The following RFLNA variants were observed in gnomAD, a reference collection of about 807,000 sequenced individuals.
RFLNA encodes refilin-A.
RFLNA carries 5 observed loss-of-function variants against 7.8 expected under a neutral mutation model. The observed-to-expected ratio is 0.64, with a 90% CI of 0.34 to 1.35. The LOEUF is 1.35. Ranked by LOEUF, RFLNA falls within the 40% of genes most tolerant of loss-of-function variation. RFLNA has a pLI of 0.04. For missense variants in RFLNA, 278 were observed against 305.5 expected, an observed-to-expected ratio of 0.91 and a Z score of 0.67; for synonymous variants, 141 against 131.3, an observed-to-expected ratio of 1.07 and a Z score of -0.50.
chr12:124,315,510 T>A lies in RFLNA; in HGVS notation c.*985T>A, dbSNP rs2034335800. The A allele has an allele frequency of 6.6e-6, 1 of 152,168 alleles. No individual in the cohort carries two copies. The allele number at this position is 152,168 out of a possible 1,614,324, so 9.4% of individuals were successfully genotyped here. ...CCTCAGCCTGCATTCCTGTGCGCAA[T>A]CGATTCCGCAATGACAGCACCTTAC... On this transcript the variant is annotated 3_prime_UTR_variant, in exon 3 of 3. Transcript: ENST00000546355.
At chr12:124,313,689 A>AG (rs1465098874) in intron 2 of RFLNA, among the ~76,000 whole-genome samples, 1 of 152,172 alleles carries the variant, frequency 6.6e-6, no homozygotes, top group Non-Finnish European at 1.5e-5. Context: ...AAAAAAAAAA[A>AG]AAAAGGTTGC....
intron 1 of RFLNA, among the ~76,000 whole-genome samples, chr12:124,297,095 G>A (rs2033942187): frequency 6.6e-6 from 1 of 152,090 alleles, no homozygotes; most frequent in Non-Finnish European, 1.5e-5. Context: ...GCACACTTTG[G>A]GACTGAATCC....
At chr12:124,301,181 G>T (rs1395439753) in intron 1 of RFLNA, among the ~76,000 whole-genome samples, 1 of 152,198 alleles carries the variant, frequency 6.6e-6, no homozygotes, top group African/African-American at 2.4e-5. Context: ...AGGAGGGAGA[G>T]GAGGGAAAGC....
chr12:124,300,864 A>T (rs1268556632), intron 1 of RFLNA, among the ~76,000 whole-genome samples: 3 of 150,308 alleles, frequency 2.0e-5, no homozygotes, highest in Non-Finnish European at 4.4e-5. Flanking sequence ...GGGTGGATGG[A>T]TGGATGGATG....
upstream of RFLNA, among the ~76,000 whole-genome samples, chr12:124,292,040 C>T (rs1340547339): frequency 6.6e-6 from 1 of 152,252 alleles, no homozygotes; most frequent in African/African-American, 2.4e-5. Context: ...TACCTCTTTT[C>T]TATTAAATAT....
intron 1 of RFLNA, among the ~76,000 whole-genome samples, chr12:124,309,321 T>G (rs912964748): frequency 6.6e-6 from 1 of 152,216 alleles, no homozygotes; most frequent in Non-Finnish European, 1.5e-5. Context: ...TCCTGACAGT[T>G]GGAATCTTAG....
At position 124,315,097 on chromosome 12, in the gene RFLNA, G is replaced by A. The variant is rs1031599573; in HGVS notation, c.*572G>A. The A allele has an allele frequency of 1.6e-5, 3 of 187,356 alleles. No homozygotes were observed. Among genetic ancestry groups the A allele is most frequent in the Non-Finnish European group, 2.2e-5 (2 of 89,306 alleles). 11.6% of individuals were successfully genotyped at this position (187,356 alleles called of 1,614,324 possible). A position where few individuals can be genotyped will look rare whatever the true frequency, so the allele number is the denominator to read the frequency against. ...GAGCTGTGGCTGAGCCACCTCTGGC[G>A]GATGTTGAGCCAGGAGGTTGGGCAA... is the stretch of plus-strand genomic sequence containing the variant. On this transcript the variant is annotated 3_prime_UTR_variant, in exon 3 of 3. Transcript: ENST00000546355.
chr12:124,305,533 G>A (rs948618640), intron 1 of RFLNA, among the ~76,000 whole-genome samples: 3 of 152,208 alleles, frequency 2.0e-5, no homozygotes, highest in Admixed American at 6.5e-5. Context: ...AATGATAAGC[G>A]TCAGCAGGAC....
intron 1 of RFLNA, among the ~76,000 whole-genome samples, chr12:124,301,189 A>G (rs1008397786): frequency 2.0e-5 from 3 of 152,084 alleles, no homozygotes; most frequent in Admixed American, 6.5e-5. Flanking sequence ...GAGGAGGGAA[A>G]GCCAGAAGCC....
upstream of RFLNA, among the ~76,000 whole-genome samples, chr12:124,291,861 C>T (rs1275144858): frequency 6.6e-6 from 1 of 152,130 alleles, no homozygotes; most frequent in Non-Finnish European, 1.5e-5. Context: ...CCCCAGGTCA[C>T]TTTTCTTTCT....
rs77777054 is a variant in RFLNA, at chr12:124,305,607, C to T, written c.208-6211C>T. On this transcript the variant is annotated intron_variant, in intron 1 of 2. Coordinates refer to ENST00000546355, the MANE Select transcript of RFLNA (RefSeq NM_001365156.1). ...GCCTGTTCTGGCTCCTAGAGGGGCC[C>T]GTGCTCCTTGGCTTGTGGCCCCTTC... 1.1e-3 allele frequency among the ~76,000 whole-genome samples: 163 copies of T among 152,300 alleles called. 1 individual carries two copies. The East Asian group carries it at 0.028, about 26-fold the overall frequency.
At chr12:124,303,170 G>C (rs1429382261) in intron 1 of RFLNA, among the ~76,000 whole-genome samples, 1 of 152,216 alleles carries the variant, frequency 6.6e-6, no homozygotes, top group Non-Finnish European at 1.5e-5. Context: ...GGTCTGGCAG[G>C]CTGTCACTGT....
At chr12:124,299,719 G>GTA (rs1365276699) in intron 1 of RFLNA, among the ~76,000 whole-genome samples, 3 of 152,276 alleles carry the variant, frequency 2.0e-5, no homozygotes, top group Admixed American at 6.5e-5. Flanking sequence ...ATTCCATGGC[G>GTA]TATATATATA....
chr12:124,311,573 G>A (rs2034244221), intron 1 of RFLNA: 2 of 396,940 alleles, frequency 5.0e-6, no homozygotes, highest in East Asian at 9.6e-5. Context: ...GTTGAGAACT[G>A]GGAGCTGGAG....
chr12:124,307,767 A>C (rs1435247598), intron 1 of RFLNA, among the ~76,000 whole-genome samples: 1 of 152,118 alleles, frequency 6.6e-6, no homozygotes, highest in Non-Finnish European at 1.5e-5. Flanking sequence ...AAACTGCCAC[A>C]AACTGGGTGG....
At position 124,314,540 on chromosome 12, in the gene RFLNA, GC is replaced by G. The variant is rs774946864; in HGVS notation, c.*18del. ...CCACGCTCTGACGGGGCTGGGGCCG[GC>G]CCGGGGTGCTGGAGGAGCCGGGAGC... On this transcript the variant is annotated 3_prime_UTR_variant, in exon 3 of 3. Transcript: ENST00000546355. The G allele has an allele frequency of 1.2e-5, 18 of 1,555,988 alleles. No homozygotes were observed. The highest frequency in any genetic ancestry group is 1.6e-5 in the Non-Finnish European group (18 of 1,157,258).
intron 1 of RFLNA, among the ~76,000 whole-genome samples, chr12:124,309,620 C>T (rs1425198650): frequency 6.6e-6 from 1 of 152,224 alleles, no homozygotes; most frequent in African/African-American, 2.4e-5. Flanking sequence ...TTATTTAAAG[C>T]CCCGCCCTTC....
rs2034146958 is a variant in RFLNA, at chr12:124,306,928, T to C, written c.208-4890T>C. 6.6e-6 allele frequency among the ~76,000 whole-genome samples: 1 copy of C among 152,120 alleles called. No individual in the cohort carries two copies. Among genetic ancestry groups the C allele is most frequent in the South Asian group, 2.1e-4 (1 of 4,816 alleles). On this transcript the variant is annotated intron_variant, in intron 1 of 2. Coordinates refer to ENST00000546355, the MANE Select transcript of RFLNA (RefSeq NM_001365156.1). The surrounding 1 kb of genome is among the most constrained non-coding windows in gnomAD (Gnocchi z 5.2). ...CCTCTGCCCGAGGCCGGTGTGCATGTGGTCACCATGGTTATAGGCTTGGCC... is the reference window on the plus strand; with the variant it reads ...CCTCTGCCCGAGGCCGGTGTGCATGCGGTCACCATGGTTATAGGCTTGGCC...
upstream of RFLNA, among the ~76,000 whole-genome samples, chr12:124,292,419 C>A (rs976043810): frequency 1.3e-5 from 2 of 152,198 alleles, no homozygotes; most frequent in Non-Finnish European, 2.9e-5. Context: ...CTGGCTAGCC[C>A]CTGGCTCAGA....
Sources: allele counts gnomAD v4.1 joint callset (sites outside exome capture counted in the v4.1 genomes callset), GRCh38; gene constraint gnomAD v4.1.1; non-coding constraint Gnocchi (gnomAD v3.1); transcripts MANE v1.5; gene names NCBI Gene and HGNC (gene_info 2026-07-23, HGNC 2026-07-21).